Variants in IL1RAPL1 observed in about 807,000 individuals in gnomAD.
IL1RAPL1 encodes interleukin-1 receptor accessory protein-like 1.
Under a neutral mutation model 48.4 loss-of-function variants are expected in IL1RAPL1, and 3 were observed. The observed-to-expected ratio is 0.06, with a 90% confidence interval of 0.03 to 0.16. The LOEUF is 0.16. IL1RAPL1 is among the 10% of genes least tolerant of loss of function. The probability of loss-of-function intolerance (pLI) is 1.00; values close to 1 mark genes in which losing one functional copy is unlikely to be tolerated. For synonymous variants in IL1RAPL1, 185 were observed against 187.7 expected, an observed-to-expected ratio of 0.99 and a Z score of 0.12; for missense variants, 349 against 530.6, an observed-to-expected ratio of 0.66 and a Z score of 3.36.
At chrX:28,598,177 AAG>A (rs748557487) in intron 1 of IL1RAPL1, among the ~76,000 whole-genome samples, 1 of 112,548 alleles carries the variant, frequency 8.9e-6, no homozygotes, top group African/African-American at 3.2e-5. Context: ...ATTCAGTAAT[AAG>A]ATAATAGGAT....
At chrX:28,745,415 G>T (rs766738191) in intron 1 of IL1RAPL1, among the ~76,000 whole-genome samples, 1 of 111,754 alleles carries the variant, frequency 8.9e-6, no homozygotes, top group African/African-American at 3.2e-5. Context: ...TGACTTGTTG[G>T]CTCATGGTGC....
chrX:29,333,396 G>A (rs1438825874), intron 3 of IL1RAPL1, among the ~76,000 whole-genome samples: 14 of 90,008 alleles, frequency 1.6e-4, no homozygotes, highest in East Asian at 3.6e-4. Flanking sequence ...GCGGCTGGCC[G>A]GGCGGGGGGC....
intron 2 of IL1RAPL1, among the ~76,000 whole-genome samples, chrX:28,962,611 AAAT>A (rs1231814715): frequency 1.9e-4 from 21 of 111,400 alleles, no homozygotes; most frequent in African/African-American, 2.6e-4. Flanking sequence ...ATTCAGAAAA[AAAT>A]AATAAGTAGT....
chrX:29,222,276 GT>G (rs1930997203), intron 2 of IL1RAPL1, among the ~76,000 whole-genome samples: 1 of 111,680 alleles, frequency 9.0e-6, no homozygotes, highest in African/African-American at 3.3e-5. Flanking sequence ...GGCCACAAAC[GT>G]TAGCTGAAAC....
chrX:29,524,360 C>T (rs1224705016), intron 5 of IL1RAPL1, among the ~76,000 whole-genome samples: 2 of 110,462 alleles, frequency 1.8e-5, no homozygotes, highest in African/African-American at 3.3e-5. Flanking sequence ...ACATTTAGCA[C>T]ATTTTCAGAG....
At chrX:28,845,431 A>T (rs764854462) in intron 2 of IL1RAPL1, among the ~76,000 whole-genome samples, 1 of 111,901 alleles carries the variant, frequency 8.9e-6, no homozygotes, top group South Asian at 3.7e-4. Context: ...TCCTTATATG[A>T]TTTAAAATAA....
At chrX:29,268,277 G>T (rs763308678) in intron 2 of IL1RAPL1, among the ~76,000 whole-genome samples, 2 of 112,216 alleles carry the variant, frequency 1.8e-5, no homozygotes, top group East Asian at 5.6e-4. Context: ...AATTTCAAAG[G>T]TGTTGATTAT....
intron 2 of IL1RAPL1, among the ~76,000 whole-genome samples, chrX:29,092,644 T>C (rs1928116468): frequency 8.9e-6 from 1 of 112,020 alleles, no homozygotes; most frequent in African/African-American, 3.2e-5. Context: ...AATAAACCAT[T>C]ATTACATCTA....
chrX:29,556,387 G>T (rs888216123), intron 5 of IL1RAPL1, among the ~76,000 whole-genome samples: 1 of 111,602 alleles, frequency 9.0e-6, no homozygotes, highest in Non-Finnish European at 1.9e-5. Flanking sequence ...AGTGGCTCAC[G>T]CCTGTAATCC....
intron 2 of IL1RAPL1, among the ~76,000 whole-genome samples, chrX:28,964,627 A>G (rs1178547481): frequency 9.0e-6 from 1 of 111,526 alleles, no homozygotes; most frequent in East Asian, 2.8e-4. Context: ...TATTCCCCCA[A>G]TTTTTACACT....
chrX:29,224,781 A>T (rs1030914231), intron 2 of IL1RAPL1, among the ~76,000 whole-genome samples: 1 of 112,336 alleles, frequency 8.9e-6, no homozygotes, highest in South Asian at 3.6e-4. Context: ...TTTATTTATA[A>T]CTAAAGAGCA....
chrX:29,776,629 C>T (rs770031915), intron 6 of IL1RAPL1, among the ~76,000 whole-genome samples: 2 of 111,573 alleles, frequency 1.8e-5, no homozygotes, highest in South Asian at 7.5e-4. Context: ...TGAGGCAATG[C>T]AGGCTGGGGC....
At chrX:29,667,844 A>G (rs183153050) in intron 5 of IL1RAPL1, among the ~76,000 whole-genome samples, 35 of 112,151 alleles carry the variant, frequency 3.1e-4, no homozygotes, top group African/African-American at 1.1e-3. Flanking sequence ...AATGGAAAAT[A>G]TCATTTAAAA....
chrX:28,957,187 G>A (rs1484949230), intron 2 of IL1RAPL1, among the ~76,000 whole-genome samples: 1 of 111,191 alleles, frequency 9.0e-6, no homozygotes, highest in Non-Finnish European at 1.9e-5. Context: ...AATGCTAGAT[G>A]ACGAGTTAGT....
chrX:29,544,904 G>T (rs1318261009), intron 5 of IL1RAPL1, among the ~76,000 whole-genome samples: 1 of 108,684 alleles, frequency 9.2e-6, no homozygotes, highest in Middle Eastern at 4.7e-3. Context: ...AGGTCCTTAG[G>T]TTAGGCTCTA....
chrX:29,217,051 G>A (rs961901535), intron 2 of IL1RAPL1, among the ~76,000 whole-genome samples: 68 of 111,502 alleles, frequency 6.1e-4, no homozygotes, highest in African/African-American at 2.2e-3. Flanking sequence ...CTAATTAATT[G>A]CCTACGTGAC....
chrX:29,181,406 C>A (rs1391801134), intron 2 of IL1RAPL1, among the ~76,000 whole-genome samples: 2 of 111,749 alleles, frequency 1.8e-5, no homozygotes, highest in African/African-American at 6.5e-5. Context: ...AGCATCTAAA[C>A]CTATAATTTT....
intron 3 of IL1RAPL1, among the ~76,000 whole-genome samples, chrX:29,285,108 C>T (rs1196103466): frequency 2.7e-5 from 3 of 111,721 alleles, no homozygotes; most frequent in African/African-American, 9.8e-5. Context: ...TACATTTCGT[C>T]ACTTATTATT....
At chrX:29,179,174 A>C (rs1439792246) in intron 2 of IL1RAPL1, among the ~76,000 whole-genome samples, 1 of 110,704 alleles carries the variant, frequency 9.0e-6, no homozygotes, top group Non-Finnish European at 1.9e-5. Context: ...TGAATCTATA[A>C]ATTACCTTGG....
Sources: allele counts gnomAD v4.1 joint callset (sites outside exome capture counted in the v4.1 genomes callset), GRCh38; gene constraint gnomAD v4.1.1; transcripts MANE v1.5; gene names NCBI Gene and HGNC (gene_info 2026-07-23, HGNC 2026-07-21).